Variants in RGS10 observed in about 807,000 individuals in gnomAD.
The protein encoded by RGS10 is regulator of G-protein signalling 10.
In RGS10, 11 loss-of-function variants were observed where a neutral mutation model predicts 23.5. The observed-to-expected ratio is 0.47, with a 90% confidence interval of 0.29 to 0.77. The LOEUF (loss-of-function observed/expected upper bound fraction) is 0.77. Among genes scored for constraint, RGS10 ranks in the 30% least tolerant of loss-of-function variants. The pLI is 0.08. For missense variants in RGS10, 180 were observed against 226.3 expected (o/e 0.80, Z 1.31); for synonymous variants, 77 against 83.2 (o/e 0.92, Z 0.41).
intron 1 of RGS10, among the ~76,000 whole-genome samples, chr10:119,540,124 T>C (rs1038851343): frequency 1.7e-5 from 2 of 120,188 alleles, no homozygotes; most frequent in African/African-American, 2.8e-5. Flanking sequence ...TTTTCCATAA[T>C]GGGGAAAGAC....
At chr10:119,532,224 T>G (rs1177268403) in intron 1 of RGS10, among the ~76,000 whole-genome samples, 1 of 152,192 alleles carries the variant, frequency 6.6e-6, no homozygotes, top group Non-Finnish European at 1.5e-5. Flanking sequence ...TTGACTGATA[T>G]CAGTATAGAC....
At chr10:119,542,471 C>G (rs12265024) in intron 1 of RGS10, 119 bp downstream of exon 1, 1 of 868,376 alleles carries the variant, frequency 1.2e-6, no homozygotes, top group Non-Finnish European at 1.6e-6. Flanking sequence ...TGCGGTCGGC[C>G]GGGGCTCCAG....
chr10:119,510,976 C>T (rs1378278679), intron 4 of RGS10, among the ~76,000 whole-genome samples: 2 of 152,144 alleles, frequency 1.3e-5, no homozygotes, highest in Non-Finnish European at 2.9e-5. Flanking sequence ...CCTCGGCCTC[C>T]CAAAGTGCTG....
At chr10:119,520,521 T>C (rs1003819902) in intron 3 of RGS10, among the ~76,000 whole-genome samples, 2 of 151,964 alleles carry the variant, frequency 1.3e-5, no homozygotes, top group Admixed American at 1.3e-4. Context: ...AAGAGTTGAG[T>C]TTTCTTATCT....
chr10:119,536,483 A>G (rs2133961392), intron 1 of RGS10: 2 of 1,612,522 alleles, frequency 1.2e-6, no homozygotes, highest in Non-Finnish European at 1.7e-6. Context: ...TCTGGTGTCC[A>G]CCTGAGAAGT....
intron 2 of RGS10, among the ~76,000 whole-genome samples, chr10:119,526,938 A>G (rs1165187973): frequency 6.6e-6 from 1 of 152,012 alleles, no homozygotes; most frequent in African/African-American, 2.4e-5. Flanking sequence ...TCTGTCAACA[A>G]TGCATTCTGA....
intron 4 of RGS10, among the ~76,000 whole-genome samples, chr10:119,514,237 A>C (rs1384846198): frequency 6.6e-6 from 1 of 152,086 alleles, no homozygotes; most frequent in Non-Finnish European, 1.5e-5. Context: ...TAGGCCTGTA[A>C]TCCCAGCTGG....
intron 4 of RGS10, among the ~76,000 whole-genome samples, chr10:119,511,161 G>A (rs1056931816): frequency 5.9e-5 from 9 of 152,164 alleles, no homozygotes; most frequent in African/African-American, 1.9e-4. Context: ...CTAGGCTAAC[G>A]TACTAGGGAA....
At chr10:119,537,308 G>A (rs531293483) in intron 1 of RGS10, among the ~76,000 whole-genome samples, 51 of 151,036 alleles carry the variant, frequency 3.4e-4, no homozygotes, top group Admixed American at 2.6e-3. Flanking sequence ...CTTGAACCCC[G>A]GAGGTAGAGG....
chr10:119,510,978 A>G (rs1206254424), intron 4 of RGS10, among the ~76,000 whole-genome samples: 1 of 152,066 alleles, frequency 6.6e-6, no homozygotes, highest in Non-Finnish European at 1.5e-5. Flanking sequence ...TCGGCCTCCC[A>G]AAGTGCTGGG....
chr10:119,512,145 T>G (rs1384689589), intron 4 of RGS10, among the ~76,000 whole-genome samples: 1 of 150,460 alleles, frequency 6.6e-6, no homozygotes, highest in Admixed American at 6.6e-5. Flanking sequence ...GATGAGGGGC[T>G]AAGTTCGGGG....
chr10:119,539,475 C>A (rs1481517089), intron 1 of RGS10, among the ~76,000 whole-genome samples: 2 of 152,068 alleles, frequency 1.3e-5, no homozygotes, highest in Non-Finnish European at 2.9e-5. Flanking sequence ...CTCAGATGGG[C>A]ATATTTCAGC....
At chr10:119,505,268 AC>A (rs1843996490) in intron 4 of RGS10, among the ~76,000 whole-genome samples, 1 of 151,330 alleles carries the variant, frequency 6.6e-6, no homozygotes, top group Non-Finnish European at 1.5e-5. Context: ...CGTCCAACAA[AC>A]GGCTGCTGGT....
At chr10:119,521,721 G>A (rs72840710) in intron 3 of RGS10, among the ~76,000 whole-genome samples, 339 of 135,940 alleles carry the variant, frequency 2.5e-3, no homozygotes, top group Non-Finnish European at 3.0e-3. Flanking sequence ...GGGAAAAAAA[G>A]AAAAAAAAAA....
intron 4 of RGS10, among the ~76,000 whole-genome samples, chr10:119,508,296 G>A (rs983379266): frequency 3.3e-5 from 5 of 152,100 alleles, no homozygotes; most frequent in African/African-American, 7.2e-5. Context: ...CACTGTGCCC[G>A]GCCCAAAATC....
intron 1 of RGS10, among the ~76,000 whole-genome samples, chr10:119,528,220 G>A (rs990584466): frequency 2.6e-5 from 4 of 152,056 alleles, no homozygotes; most frequent in African/African-American, 7.2e-5. Context: ...TAATAGAGAC[G>A]GGGTTTTACC....
chr10:119,500,738 C>T (rs1238550355), intron 4 of RGS10, among the ~76,000 whole-genome samples: 2 of 150,530 alleles, frequency 1.3e-5, no homozygotes, highest in Non-Finnish European at 3.0e-5. Context: ...CTCAAACAAA[C>T]CTATTATTGT....
chr10:119,525,261 T>G (rs1379277235), intron 3 of RGS10, among the ~76,000 whole-genome samples: 1 of 152,096 alleles, frequency 6.6e-6, no homozygotes, highest in Middle Eastern at 3.2e-3. Flanking sequence ...AGACGGAACC[T>G]GAAGCAGGGG....
intron 4 of RGS10, among the ~76,000 whole-genome samples, chr10:119,513,450 A>T (rs1315134080): frequency 6.6e-6 from 1 of 152,120 alleles, no homozygotes; most frequent in Non-Finnish European, 1.5e-5. Flanking sequence ...ACAGAGGGAC[A>T]TCCTGTCGCA....
Sources: gnomAD v4.1 joint callset for allele counts (sites outside exome capture counted in the v4.1 genomes callset) on GRCh38, gnomAD v4.1.1 for gene constraint, MANE v1.5 for transcripts, NCBI Gene and HGNC (gene_info 2026-07-23, HGNC 2026-07-21) for gene names.